The following ERCC8 variants were observed in gnomAD, a reference collection of about 807,000 sequenced individuals.
ERCC8 encodes ERCC excision repair 8, CSA ubiquitin ligase complex subunit.
ERCC8 carries 52 observed loss-of-function variants against 54.9 expected under a neutral mutation model. The ratio of observed to expected loss-of-function variants is 0.95; its 90% CI spans 0.76 to 1.19. The LOEUF (loss-of-function observed/expected upper bound fraction) is 1.19, where lower values mean the gene tolerates loss of function less well. ERCC8 is among the 50% of genes most tolerant of loss of function. ERCC8 has a pLI of 0.00. For synonymous variants in ERCC8, 146 were observed against 157.2 expected, an observed-to-expected ratio of 0.93 and a Z score of 0.53; for missense variants, 514 against 466.1, an observed-to-expected ratio of 1.10 and a Z score of -0.95.
At chr5:60,932,797 G>GGAGT (rs1285696757) in intron 1 of ERCC8, among the ~76,000 whole-genome samples, 1 of 152,058 alleles carries the variant, frequency 6.6e-6, no homozygotes, top group Non-Finnish European at 1.5e-5. Context: ...CAATGGCATA[G>GGAGT]GAGTAGAGGG....
At position 60,918,384 on chromosome 5, in the gene ERCC8, G is replaced by C; in HGVS notation, c.280C>G (p.His94Asp). 1 of 1,609,988 alleles carries C rather than the reference G, an allele frequency of 6.2e-7. No homozygotes were observed. The highest frequency in any genetic ancestry group is 8.5e-7 in the Non-Finnish European group (1 of 1,177,550). ...CKAVCSIGRD[H>D]PDVHRYSVET... ...ACACTGTATCTGTGAACATCAGGATGATCTCTACAAAACAGCAATCAAAAT... is the reference window on the plus strand; with the variant it reads ...ACACTGTATCTGTGAACATCAGGATCATCTCTACAAAACAGCAATCAAAAT... The change falls in exon 4 of 12, where the codon CAT becomes GAT. Residue 94 changes from histidine (H) to aspartate (D), a missense_variant. By Grantham distance (81) the His-to-Asp change is moderately conservative. Transcript: ENST00000676185.
chr5:60,935,777 C>A (rs915615004), intron 1 of ERCC8, among the ~76,000 whole-genome samples: 4 of 152,138 alleles, frequency 2.6e-5, no homozygotes, highest in Non-Finnish European at 5.9e-5. Flanking sequence ...GATGCTTTTT[C>A]TGCATCTATT....
At chr5:60,924,585 T>C (rs1749695075) in intron 2 of ERCC8, 1 of 154,568 alleles carries the variant, frequency 6.5e-6, no homozygotes, top group Non-Finnish European at 1.5e-5. Flanking sequence ...CCAGATCTTA[T>C]TTATCCTAGA....
rs1474952178 is a variant in ERCC8, at chr5:60,877,516, G to A, written c.1123-2833C>T. Among the ~76,000 whole-genome samples the A allele has an allele frequency of 2.0e-5, 3 of 152,188 alleles. No individual in the cohort carries two copies. In the East Asian group the frequency reaches 5.8e-4, roughly 29 times the overall value. The stretch of plus-strand genomic sequence containing the variant: ...TTCTTCCTACCCATGAGCATGGAAT[G>A]TTCTTCCATTTGTTTGTATCCTCTT... On this transcript the variant is annotated intron_variant, in intron 11 of 11. Transcript: ENST00000676185.
rs570746240 is a variant in ERCC8, at chr5:60,871,842, C to A, written c.*2773G>T. 8.9e-4 allele frequency among the ~76,000 whole-genome samples: 136 copies of A among 152,132 alleles called. 1 individual carries two copies. The highest frequency in any genetic ancestry group is 2.7e-3 in the South Asian group (13 of 4,806). On this transcript the variant is annotated 3_prime_UTR_variant, in exon 12 of 12. Transcript: ENST00000676185. ...GAGACACAAGGTCTCGCCATGTCAC[C>A]CAGGCTGGAGTGTAGTGACACGATC... is the stretch of plus-strand genomic sequence containing the variant.
intron 1 of ERCC8, among the ~76,000 whole-genome samples, chr5:60,936,248 G>A (rs1750062673): frequency 6.6e-6 from 1 of 152,050 alleles, no homozygotes; most frequent in African/African-American, 2.4e-5. Flanking sequence ...AATCTAGGAG[G>A]GTTGCGTATT....
chr5:60,920,078 T>C (rs190449216), intron 3 of ERCC8, among the ~76,000 whole-genome samples: 1 of 152,092 alleles, frequency 6.6e-6, no homozygotes, highest in East Asian at 1.9e-4. Context: ...TAGCCATTAT[T>C]CAAAGCTGAG....
intron 2 of ERCC8, among the ~76,000 whole-genome samples, chr5:60,926,090 G>A (rs1460679981): frequency 6.6e-6 from 1 of 152,142 alleles, no homozygotes; most frequent in East Asian, 1.9e-4. Flanking sequence ...CTCCCAAAGT[G>A]CTAGGATTAC....
At chr5:60,894,890 C>A (rs965492228) in intron 9 of ERCC8, among the ~76,000 whole-genome samples, 3 of 151,942 alleles carry the variant, frequency 2.0e-5, no homozygotes, top group African/African-American at 7.3e-5. Context: ...AGTGATTTGT[C>A]GGCTGGGCGT....
chr5:60,896,412 G>A (rs1333786814), intron 9 of ERCC8, among the ~76,000 whole-genome samples: 7 of 152,068 alleles, frequency 4.6e-5, no homozygotes, highest in African/African-American at 9.6e-5. Flanking sequence ...GGGTTTCATC[G>A]TGTTAGCCAG....
intron 2 of ERCC8, among the ~76,000 whole-genome samples, 198 bp from the exon 3 acceptor site, chr5:60,922,353 A>C (rs895985000): frequency 2.6e-5 from 4 of 152,048 alleles, no homozygotes; most frequent in African/African-American, 9.7e-5. Flanking sequence ...AATGAATATA[A>C]AAAAATTCAT....
intron 11 of ERCC8, among the ~76,000 whole-genome samples, chr5:60,877,271 T>C (rs981939081): frequency 6.6e-5 from 10 of 152,348 alleles, no homozygotes; most frequent in African/African-American, 2.4e-4. Context: ...CGTGCTGTTT[T>C]GGTTACTGTA....
intron 3 of ERCC8, chr5:60,919,703 G>T (rs1749547243): frequency 6.6e-6 from 1 of 151,812 alleles, no homozygotes. Context: ...ACTGATATAG[G>T]ATAAATTAAA....
chr5:60,891,002 C>A lies in ERCC8; in HGVS notation c.928G>T (p.Val310Leu), dbSNP rs200733672. The change falls in exon 10 of 12, where the codon GTA becomes TTA. Residue 310 changes from valine to leucine, a missense_variant. By Grantham distance (32) the Val-to-Leu change is conservative. Transcript: ENST00000676185. ...SCGCSSEFVF[V>L]PYGSTIAVYT... ...ACAGCAATGGTGCTACCATATGGTA[C>A]AAAAACAAATTCTGAACTGCAGCCA... The A allele has an allele frequency of 6.2e-7, 1 of 1,613,466 alleles. No homozygotes were observed. Among genetic ancestry groups the A allele is most frequent in the East Asian group, 2.2e-5 (1 of 44,778 alleles).
At chr5:60,940,466 T>A (rs771787946) in intron 1 of ERCC8, among the ~76,000 whole-genome samples, 2 of 152,200 alleles carry the variant, frequency 1.3e-5, no homozygotes, top group Non-Finnish European at 2.9e-5. Flanking sequence ...ACAGGGTAAC[T>A]GAACCCTAAA....
At chr5:60,937,680 C>T (rs1750107900) in intron 1 of ERCC8, among the ~76,000 whole-genome samples, 1 of 152,140 alleles carries the variant, frequency 6.6e-6, no homozygotes, top group Non-Finnish European at 1.5e-5. Flanking sequence ...AGTTTATTTC[C>T]AGCAGGGCTG....
chr5:60,872,516 G>A lies in ERCC8; in HGVS notation c.*2099C>T, dbSNP rs1747884137. On this transcript the variant is annotated 3_prime_UTR_variant, in exon 12 of 12. Coordinates refer to ENST00000676185, the MANE Select transcript of ERCC8 (RefSeq NM_000082.4). ...AGTTCTCAAAAGAAGACATGCAAAT[G>A]GCCAGCAGATATATGAAAAAATTAT... is the stretch of plus-strand genomic sequence containing the variant. 6.6e-6 allele frequency among the ~76,000 whole-genome samples: 1 copy of A among 151,984 alleles called. No homozygotes were observed. Among genetic ancestry groups the A allele is most frequent in the Non-Finnish European group, 1.5e-5 (1 of 67,982 alleles).
At chr5:60,918,109 A>C in intron 4 of ERCC8, 156 bp downstream of exon 4, 1 of 639,606 alleles carries the variant, frequency 1.6e-6, no homozygotes, top group Non-Finnish European at 2.8e-6. Flanking sequence ...CAGCACAGCC[A>C]GGATATGAAC....
At chr5:60,892,534 G>C in intron 9 of ERCC8, 1 of 626,604 alleles carries the variant, frequency 1.6e-6, no homozygotes, top group Non-Finnish European at 3.1e-6. Context: ...GCCTGCTCCT[G>C]ACTGTGTAAG....
Sources: gnomAD v4.1 joint callset for allele counts (sites outside exome capture counted in the v4.1 genomes callset) on GRCh38, gnomAD v4.1.1 for gene constraint, MANE v1.5 for transcripts, NCBI Gene and HGNC (gene_info 2026-07-23, HGNC 2026-07-21) for gene names.